SPTBN5: variants seen among roughly 807,000 people sequenced by gnomAD.
The protein encoded by SPTBN5 is spectrin beta, non-erythrocytic 5, also known as spectrin beta chain, non-erythrocytic 5.
A neutral mutation model predicts 477.6 loss-of-function variants in SPTBN5; 513 were observed. The ratio of observed to expected loss-of-function variants is 1.07; its 90% CI spans 1.00 to 1.16. SPTBN5 has a LOEUF of 1.16. Ranked by LOEUF, SPTBN5 falls within the 50% of genes most tolerant of loss-of-function variation. The pLI is 0.00. For missense variants in SPTBN5, 5,062 were observed against 4,731.8 expected (o/e 1.07, Z -2.05); for synonymous variants, 2,169 against 2,011.7 (o/e 1.08, Z -2.09).
intron 7 of SPTBN5, among the ~76,000 whole-genome samples, chr15:41,885,001 C>T (rs750157165): frequency 2.0e-5 from 3 of 152,182 alleles, no homozygotes; most frequent in Non-Finnish European, 4.4e-5. Context: ...CTTAGCACCT[C>T]ATATTCATTC....
In SPTBN5 at chr15:41,875,316, C is replaced by T. The variant is rs1429136906; in HGVS notation, c.4287+142G>A. Reference sequence around the variant, plus strand: ...CATTGGCCGACTGAGCGGAAAGCCACGCTCAGCTTGTCCTAGGCCAGAAGC... The same window carrying T: ...CATTGGCCGACTGAGCGGAAAGCCATGCTCAGCTTGTCCTAGGCCAGAAGC... On this transcript the variant is annotated intron_variant, in intron 22 of 67. Transcript: ENST00000320955. The T allele has an allele frequency of 3.2e-5, 36 of 1,125,670 alleles. No homozygotes were observed. In the Admixed American group the frequency reaches 4.1e-4, roughly 13 times the overall value. The allele number at this position is 1,125,670 out of a possible 1,614,324, so 69.7% of individuals were successfully genotyped here.
chr15:41,876,850 G>T lies in SPTBN5; in HGVS notation c.3810C>A (p.His1270Gln). The change falls in exon 19 of 68, where the codon CAC (histidine) becomes CAA (glutamine). Residue 1270 changes from histidine to glutamine, a missense_variant. By Grantham distance (24) the His-to-Gln change is conservative. Coordinates refer to ENST00000320955, the MANE Select transcript of SPTBN5 (RefSeq NM_016642.4). ...GCTGGCTCTGAACCAGCTTCTCGCC[G>T]TGTGCCCGCAGAGCCTCTGCCCGAG... is the stretch of plus-strand genomic sequence containing the variant. ...LGPRAEALRAHGEKLVQSQHP... is the reference protein window; with the variant it reads ...LGPRAEALRAQGEKLVQSQHP... The T allele has an allele frequency of 6.2e-7, 1 of 1,610,340 alleles. No individual in the cohort carries two copies. Among genetic ancestry groups the T allele is most frequent in the Non-Finnish European group, 8.5e-7 (1 of 1,179,842 alleles).
intron 66 of SPTBN5, 171 bp downstream of exon 66, chr15:41,850,683 C>G (rs546236368): frequency 3.2e-6 from 2 of 634,726 alleles, no homozygotes; most frequent in Non-Finnish European, 5.4e-6. Flanking sequence ...GGGCAAGTTG[C>G]GTAACCTCTC....
intron 63 of SPTBN5, 85 bp downstream of exon 63, chr15:41,851,694 G>A: frequency 9.7e-7 from 1 of 1,033,384 alleles, no homozygotes; most frequent in South Asian, 1.4e-5. Flanking sequence ...CAGTGCAAGG[G>A]TGCCAGGCCC....
intron 61 of SPTBN5, 27 bp from the exon 62 acceptor site, chr15:41,852,343 G>A (rs1249568023): frequency 6.5e-7 from 1 of 1,541,270 alleles, no homozygotes; most frequent in Non-Finnish European, 8.8e-7. Flanking sequence ...GGTGGGCAAG[G>A]TGAGCCAGGT....
In SPTBN5 at chr15:41,866,507, G is replaced by T; in HGVS notation, c.6481-14C>A. The stretch of plus-strand genomic sequence containing the variant: ...CCAGTCCTCAGCCTGGTGGGGGTGG[G>T]ACATGAATGCTGCAATGTTCTGCAG... On this transcript the variant is annotated splice_polypyrimidine_tract_variant and intron_variant, in intron 36 of 67. Coordinates refer to ENST00000320955, the MANE Select transcript of SPTBN5 (RefSeq NM_016642.4). 1 of 1,541,270 alleles carries T rather than the reference G, an allele frequency of 6.5e-7. No individual in the cohort carries two copies.
chr15:41,886,207 T>C lies in SPTBN5; in HGVS notation c.1048A>G (p.Ile350Val), dbSNP rs766417509. The change falls in exon 7 of 68, where the codon ATC (isoleucine) becomes GTC (valine). Residue 350 changes from isoleucine to valine, a missense_variant. Transcript: ENST00000320955. ...GGTGGCTTCTCCTGGGTGCGGAAGA[T>C]GGTGAATGCTGCCAGTAGCTGCCGC... ...AMRQLLAAFT[I>V]FRTQEKPPRL... 1.2e-5 allele frequency: 19 copies of C among 1,612,904 alleles called. No homozygotes were observed. The East Asian group carries it at 1.8e-4, about 15-fold the overall frequency.
intron 45 of SPTBN5, 45 bp from the exon 46 acceptor site, chr15:41,861,541 G>A: frequency 1.3e-6 from 2 of 1,592,006 alleles, no homozygotes; most frequent in Non-Finnish European, 1.7e-6. Flanking sequence ...GGAGGGTCCA[G>A]CCACTGCAGT....
rs12593435 is a variant in SPTBN5, at chr15:41,874,277, G to T, written c.4689+15C>A. On this transcript the variant is annotated intron_variant, in intron 24 of 67. Transcript: ENST00000320955. ...GCGGATGTCGGTAATCCTGTAGGAA[G>T]AAGAGGGCTATTACCTTGTGCTTGC... The T allele has an allele frequency of 1.3e-6, 2 of 1,598,196 alleles. No individual in the cohort carries two copies. The highest frequency in any genetic ancestry group is 4.5e-5 in the East Asian group (2 of 44,596).
At chr15:41,892,318 C>T (rs2067337670) in intron 3 of SPTBN5, among the ~76,000 whole-genome samples, 1 of 152,144 alleles carries the variant, frequency 6.6e-6, no homozygotes, top group Non-Finnish European at 1.5e-5. Flanking sequence ...CTGCACCAGC[C>T]CCTCACCCTG....
intron 47 of SPTBN5, among the ~76,000 whole-genome samples, chr15:41,860,268 T>G (rs549040729): frequency 9.9e-5 from 15 of 152,220 alleles, no homozygotes; most frequent in Admixed American, 3.3e-4. Flanking sequence ...GGCCGATGCT[T>G]GACCTCTGTG....
rs749160971 is a variant in SPTBN5 at position 41,869,845 on chromosome 15, G to A, written c.5849C>T (p.Thr1950Met). Residue 1950 changes from threonine (T) to methionine (M), a missense_variant, in exon 32 of 68, where the codon ACG (threonine) becomes ATG (methionine). Physicochemically the swap from Thr to Met is moderately conservative, Grantham distance 81. Transcript: ENST00000320955. ...CCAAAGGGCAGGAGCCCTCACCGCC[G>A]TGCGGAAGCGGGCCAGGAGGCGTGC... ...ERARLLARFR[T>M]AVRDYASWAA... 164 of 1,556,630 alleles carry A rather than the reference G, an allele frequency of 1.1e-4. No homozygotes were observed. The highest frequency in any genetic ancestry group is 2.3e-4 in the Middle Eastern group (1 of 4,304).
At chr15:41,876,038 A>G (rs2066712156) in intron 21 of SPTBN5, 76 bp downstream of exon 21, 2 of 1,524,570 alleles carry the variant, frequency 1.3e-6, no homozygotes, top group Non-Finnish European at 8.9e-7. Context: ...AGACTCTTCC[A>G]TGAAAACAGG....
chr15:41,849,665 G>A (rs1400767068), intron 67 of SPTBN5, among the ~76,000 whole-genome samples: 3 of 152,200 alleles, frequency 2.0e-5, no homozygotes, highest in South Asian at 4.1e-4. Context: ...GGGGACCACT[G>A]TAGAGTCTGT....
chr15:41,875,714 A>T, intron 21 of SPTBN5, 92 bp from the exon 22 acceptor site: 2 of 1,342,788 alleles, frequency 1.5e-6, no homozygotes, highest in South Asian at 2.9e-5. Flanking sequence ...AGTGGAGGTG[A>T]GGGGGTGACC....
intron 5 of SPTBN5, 106 bp downstream of exon 5, chr15:41,887,822 C>T: frequency 8.5e-7 from 1 of 1,173,994 alleles, no homozygotes; most frequent in Non-Finnish European, 1.2e-6. Flanking sequence ...TGTCCACTTT[C>T]CCTCCTTCAA....
rs776530880 is a variant in SPTBN5, at chr15:41,867,616, C to T, written c.6234G>A (p.Gly2078=). Reference sequence around the variant, plus strand: ...ACTGCTCTACCTCTTCCACCGAGCTCCCCAAGGCACTGGTTTTCAGGGAGA... The same window carrying T: ...ACTGCTCTACCTCTTCCACCGAGCTTCCCAAGGCACTGGTTTTCAGGGAGA... The part of the protein sequence containing the change: ...QEVSLKTSAL[G]SSVEEVEQLI... The change falls in exon 35 of 68, where the codon GGG becomes GGA. Residue 2078 remains glycine, a synonymous_variant. Coordinates refer to ENST00000320955, the MANE Select transcript of SPTBN5 (RefSeq NM_016642.4). The T allele has an allele frequency of 2.9e-5, 46 of 1,613,656 alleles. No individual in the cohort carries two copies. The highest frequency in any genetic ancestry group is 3.8e-5 in the Non-Finnish European group (45 of 1,179,902).
Position 41,852,867 on chromosome 15 carries a change from C to T in SPTBN5, c.10304G>A (p.Trp3435Ter), listed in dbSNP as rs1470682683. ...LRQRLEQAEA[W>*]LACWEGLLLK... ...CAGGAGTCCCTCCCAGCAGGCCAGC[C>T]AGGCCTCAGCCTGCTCCAGCCTCTG... is the stretch of plus-strand genomic sequence containing the variant. The change falls in exon 60 of 68, where the codon TGG (tryptophan) becomes TAG (stop). Residue 3435 changes from tryptophan (W) to a stop codon, truncating the protein, a stop_gained. Coordinates refer to ENST00000320955, the MANE Select transcript of SPTBN5 (RefSeq NM_016642.4). LOFTEE classifies it high-confidence loss of function. 6.2e-7 allele frequency: 1 copy of T among 1,608,010 alleles called. No homozygotes were observed. Among genetic ancestry groups the T allele is most frequent in the Non-Finnish European group, 8.5e-7 (1 of 1,176,596 alleles).
At chr15:41,868,363 T>C (rs764138032) in intron 33 of SPTBN5, 35 bp downstream of exon 33, 1 of 1,585,790 alleles carries the variant, frequency 6.3e-7, no homozygotes, top group South Asian at 1.1e-5. Context: ...CTTGGTCAGC[T>C]AGGGTATGTG....
Sources: gnomAD v4.1 joint callset for allele counts (sites outside exome capture counted in the v4.1 genomes callset) on GRCh38, gnomAD v4.1.1 for gene constraint, MANE v1.5 for transcripts, NCBI Gene and HGNC (gene_info 2026-07-23, HGNC 2026-07-21) for gene names.